Variants in INTU observed in about 807,000 individuals in gnomAD.
INTU encodes the protein inturned planar cell polarity protein.
INTU carries 68 observed loss-of-function variants against 100.5 expected under a neutral mutation model. That is an observed-to-expected ratio of 0.68 (90% CI 0.56 to 0.83). The LOEUF (loss-of-function observed/expected upper bound fraction) is 0.83. Among genes scored for constraint, INTU ranks in the 40% least tolerant of loss-of-function variants. The pLI, the probability that INTU is intolerant of heterozygous loss-of-function variation, is 0.00. For missense variants in INTU, 1,071 were observed against 1,114.7 expected, an observed-to-expected ratio of 0.96 and a Z score of 0.56; for synonymous variants, 357 against 395.7, an observed-to-expected ratio of 0.90 and a Z score of 1.16.
chr4:127,692,859 A>G (rs902454399), intron 8 of INTU, among the ~76,000 whole-genome samples: 1 of 151,754 alleles, frequency 6.6e-6, no homozygotes, highest in Non-Finnish European at 1.5e-5. Flanking sequence ...TCCCCACTTT[A>G]TGTTTTTGTT....
chr4:127,679,594 A>G (rs1193543567), intron 6 of INTU, among the ~76,000 whole-genome samples: 3 of 152,202 alleles, frequency 2.0e-5, no homozygotes, highest in Non-Finnish European at 4.4e-5. Context: ...TCTGGGACAC[A>G]TTCAAAGCAG....
chr4:127,656,665 G>A lies in INTU; in HGVS notation c.712G>A (p.Asp238Asn), dbSNP rs58739356. 5.6e-5 allele frequency: 90 copies of A among 1,610,282 alleles called. No homozygotes were observed. In the African/African-American group the frequency reaches 6.7e-4, roughly 12 times the overall value. ...GDVLVAVNDVDVTTENIERVL... is the reference protein window; with the variant it reads ...GDVLVAVNDVNVTTENIERVL... Reference sequence around the variant, plus strand: ...TGTCCTTGTTGCTGTGAATGATGTCGATGTTACTACTGAAAACATCGAGAG... The same window carrying A: ...TGTCCTTGTTGCTGTGAATGATGTCAATGTTACTACTGAAAACATCGAGAG... Residue 238 changes from aspartate to asparagine, a missense_variant, in exon 3 of 16, where the codon GAT (aspartate) becomes AAT (asparagine). Transcript: ENST00000335251.
intron 1 of INTU, among the ~76,000 whole-genome samples, chr4:127,638,933 T>A (rs928771582): frequency 6.6e-6 from 1 of 152,198 alleles, no homozygotes. Context: ...ATGACCCATG[T>A]ACTACAAAGA....
intron 13 of INTU, among the ~76,000 whole-genome samples, 175 bp from the exon 14 acceptor site, chr4:127,710,738 G>A (rs1235821267): frequency 2.0e-5 from 3 of 152,152 alleles, no homozygotes; most frequent in Non-Finnish European, 4.4e-5. Context: ...TTGTACTTCA[G>A]TTACGGATGA....
chr4:127,650,047 GA>G (rs1348269112), intron 2 of INTU, among the ~76,000 whole-genome samples: 1 of 152,020 alleles, frequency 6.6e-6, no homozygotes, highest in Non-Finnish European at 1.5e-5. Context: ...CACGGAAAAG[GA>G]AATTTTTACC....
At chr4:127,675,387 G>A (rs190157115) in intron 6 of INTU, among the ~76,000 whole-genome samples, 52 of 152,236 alleles carry the variant, frequency 3.4e-4, no homozygotes, top group African/African-American at 1.2e-3. Context: ...ATCTGAACGT[G>A]AATATGACTA....
chr4:127,653,200 G>GT (rs1470780653), intron 2 of INTU, among the ~76,000 whole-genome samples: 2 of 136,296 alleles, frequency 1.5e-5, no homozygotes, highest in African/African-American at 2.9e-5. Context: ...TTTTTGAAGG[G>GT]TTTTTTGTGT....
At chr4:127,643,340 G>A (rs1368990199) in intron 1 of INTU, among the ~76,000 whole-genome samples, 181 bp from the exon 2 acceptor site, 1 of 152,006 alleles carries the variant, frequency 6.6e-6, no homozygotes, top group Non-Finnish European at 1.5e-5. Flanking sequence ...CATCCTATAT[G>A]AAATAATGTT....
Position 127,726,120 on chromosome 4 carries a change from C to A in INTU, c.*9684C>A, listed in dbSNP as rs1731413508. On this transcript the variant is annotated 3_prime_UTR_variant, in exon 16 of 16. Transcript: ENST00000335251. Reference sequence around the variant, plus strand: ...GTCTCATTATCATATGTTTAGCCCCCCCAAAATTACATTTTAGACTCTTAC... The same window carrying A: ...GTCTCATTATCATATGTTTAGCCCCACCAAAATTACATTTTAGACTCTTAC... The A allele has an allele frequency of 6.6e-6, 1 of 152,126 alleles. No individual in the cohort carries two copies. The highest frequency in any genetic ancestry group is 1.5e-5 in the Non-Finnish European group (1 of 68,016). 9.4% of individuals were successfully genotyped at this position (152,126 alleles called of 1,614,324 possible).
Position 127,660,104 on chromosome 4 carries a change from TCAG to T in INTU, c.769-3276_769-3274del, listed in dbSNP as rs1314482080. On this transcript the variant is annotated intron_variant, in intron 3 of 15. Coordinates refer to ENST00000335251, the MANE Select transcript of INTU (RefSeq NM_015693.4). ...GGGGAGGCATATGCAAGACAGGAGG[TCAG>T]GAAACCAGGTGGTTGGGTTTGCAGT... Among the ~76,000 whole-genome samples, 3 of 152,000 alleles carry T rather than the reference TCAG, an allele frequency of 2.0e-5. No individual in the cohort carries two copies. In the East Asian group the frequency reaches 5.8e-4, roughly 29 times the overall value.
intron 4 of INTU, among the ~76,000 whole-genome samples, chr4:127,666,775 A>G (rs1361904651): frequency 6.6e-6 from 1 of 152,184 alleles, no homozygotes; most frequent in Non-Finnish European, 1.5e-5. Flanking sequence ...ATCTAGTCAA[A>G]CATAATGCTT....
intron 4 of INTU, among the ~76,000 whole-genome samples, chr4:127,665,315 C>T (rs1728649114): frequency 6.6e-6 from 1 of 150,972 alleles, no homozygotes; most frequent in East Asian, 1.9e-4. Context: ...GTATTTCATA[C>T]AGCTGTACCT....
chr4:127,664,797 A>G (rs1347452778), intron 4 of INTU, among the ~76,000 whole-genome samples: 1 of 151,908 alleles, frequency 6.6e-6, no homozygotes, highest in East Asian at 1.9e-4. Flanking sequence ...CCAATCTGGC[A>G]GTCTCTGTCT....
At chr4:127,658,023 G>A (rs1728312876) in intron 3 of INTU, among the ~76,000 whole-genome samples, 1 of 152,092 alleles carries the variant, frequency 6.6e-6, no homozygotes, top group African/African-American at 2.4e-5. Flanking sequence ...GGATGAAGTC[G>A]TTTTTGGATT....
At position 127,726,368 on chromosome 4, in the gene INTU, T is replaced by A. The variant is rs1731416477; in HGVS notation, c.*9932T>A. ...CTGCTTTGGACATAATTGTATGTGT[T>A]AATTCTCTCTAAACAGTGCCTGGCA... On this transcript the variant is annotated 3_prime_UTR_variant, in exon 16 of 16. Coordinates refer to ENST00000335251, the MANE Select transcript of INTU (RefSeq NM_015693.4). 1 of 152,220 alleles carries A rather than the reference T, an allele frequency of 6.6e-6. No individual in the cohort carries two copies. The highest frequency in any genetic ancestry group is 2.1e-4 in the South Asian group (1 of 4,830). The allele number at this position is 152,220 out of a possible 1,614,324, so 9.4% of individuals were successfully genotyped here.
chr4:127,700,590 T>C (rs1332623375), intron 9 of INTU, among the ~76,000 whole-genome samples: 1 of 152,084 alleles, frequency 6.6e-6, no homozygotes, highest in Non-Finnish European at 1.5e-5. Context: ...ACAAGATAAG[T>C]CTGAGAACAT....
At chr4:127,684,583 T>C in intron 7 of INTU, 97 bp downstream of exon 7, 1 of 666,510 alleles carries the variant, frequency 1.5e-6, no homozygotes, top group South Asian at 2.0e-5. Flanking sequence ...GGTTAGTTAT[T>C]TGTCTCTTTT....
At chr4:127,657,454 G>T (rs1366209521) in intron 3 of INTU, among the ~76,000 whole-genome samples, 1 of 152,018 alleles carries the variant, frequency 6.6e-6, no homozygotes, top group Non-Finnish European at 1.5e-5. Flanking sequence ...TTAGAGCAGG[G>T]GTCCCCAAAC....
In INTU at chr4:127,643,503, C is replaced by T. The variant is rs370642525; in HGVS notation, c.147-18C>T. On this transcript the variant is annotated intron_variant, in intron 1 of 15. Coordinates refer to ENST00000335251, the MANE Select transcript of INTU (RefSeq NM_015693.4). Reference sequence around the variant, plus strand: ...TATATTGGGCTGCTATTAAGATTATCTTTTCTCTCTTTCATAGTGATCTTG... The same window carrying T: ...TATATTGGGCTGCTATTAAGATTATTTTTTCTCTCTTTCATAGTGATCTTG... 1.3e-6 allele frequency: 2 copies of T among 1,554,334 alleles called. No homozygotes were observed. Among genetic ancestry groups the T allele is most frequent in the African/African-American group, 1.4e-5 (1 of 72,140 alleles).
Sources: allele counts gnomAD v4.1 joint callset (sites outside exome capture counted in the v4.1 genomes callset), GRCh38; gene constraint gnomAD v4.1.1; transcripts MANE v1.5; gene names NCBI Gene and HGNC (gene_info 2026-07-23, HGNC 2026-07-21).